The following INTU variants were observed in gnomAD, a reference collection of about 807,000 sequenced individuals.
INTU encodes the protein protein inturned.
In INTU, 68 loss-of-function variants were observed where a neutral mutation model predicts 100.5. The ratio of observed to expected loss-of-function variants is 0.68; its 90% confidence interval spans 0.56 to 0.83. The LOEUF (loss-of-function observed/expected upper bound fraction) is 0.83. INTU is among the 40% of genes least tolerant of loss of function. The pLI is 0.00. For missense variants in INTU, 1,071 were observed against 1,114.7 expected (o/e 0.96, Z 0.56); for synonymous variants, 357 against 395.7 (o/e 0.90, Z 1.16).
chr4:127,706,368 C>A, intron 11 of INTU, 119 bp from the exon 12 acceptor site: 1 of 802,596 alleles, frequency 1.2e-6, no homozygotes, highest in African/African-American at 1.7e-5. Context: ...TTTTAATAAT[C>A]ATCACATGAT....
At chr4:127,658,663 GT>G (rs573205380) in intron 3 of INTU, among the ~76,000 whole-genome samples, 1 of 152,052 alleles carries the variant, frequency 6.6e-6, no homozygotes, top group Admixed American at 6.6e-5. Context: ...AATATGAAAA[GT>G]TATGTTTACA....
rs922331858 is a variant in INTU, at chr4:127,643,795, A to G, written c.421A>G (p.Ile141Val). 6.2e-7 allele frequency: 1 copy of G among 1,614,134 alleles called. No homozygotes were observed. The highest frequency in any genetic ancestry group is 8.5e-7 in the Non-Finnish European group (1 of 1,180,034). Residue 141 changes from isoleucine to valine, a missense_variant, in exon 2 of 16, where the codon ATT (isoleucine) becomes GTT (valine). Coordinates refer to ENST00000335251, the MANE Select transcript of INTU (RefSeq NM_015693.4). Reference protein sequence around the residue: ...KNSNDNGPVSILKHQSNQKTG... With the variant: ...KNSNDNGPVSVLKHQSNQKTG... ...TAGCAATGACAATGGACCAGTATCC[A>G]TTCTAAAGCATCAGTCCAATCAGAA...
intron 4 of INTU, among the ~76,000 whole-genome samples, chr4:127,668,425 C>T (rs2126205734): frequency 6.6e-6 from 1 of 151,956 alleles, no homozygotes; most frequent in East Asian, 1.9e-4. Context: ...TTGTGGTATA[C>T]ACAGTGTTTC....
At chr4:127,635,276 T>C (rs905113430) in intron 1 of INTU, among the ~76,000 whole-genome samples, 4 of 152,146 alleles carry the variant, frequency 2.6e-5, no homozygotes, top group African/African-American at 9.7e-5. Flanking sequence ...TGCTGCAGTA[T>C]GTCTTAAGTT....
chr4:127,679,185 A>G (rs1729387853), intron 6 of INTU, among the ~76,000 whole-genome samples: 1 of 152,160 alleles, frequency 6.6e-6, no homozygotes, highest in South Asian at 2.1e-4. Context: ...TCAACATTAG[A>G]CAGATCAATG....
Position 127,706,615 on chromosome 4 carries a change from T to C in INTU, c.1917T>C (p.Asp639=), listed in dbSNP as rs1194649431. The part of the protein sequence containing the change: ...KTTLHQLDGV[D]SRIDERLASS... ...CTCTTCACCAGCTGGATGGAGTAGA[T>C]TCTCGCATAGATGAACGGCTAGCAT... The change falls in exon 12 of 16, where the codon GAT becomes GAC. Residue 639 remains aspartate, a synonymous_variant. Transcript: ENST00000335251. 1.2e-6 allele frequency: 2 copies of C among 1,614,078 alleles called. No individual in the cohort carries two copies. Among genetic ancestry groups the C allele is most frequent in the Non-Finnish European group, 1.7e-6 (2 of 1,179,990 alleles).
At position 127,643,639 on chromosome 4, in the gene INTU, A is replaced by G; in HGVS notation, c.265A>G (p.Arg89Gly). ...TGAGACACCAACTGTGAACCATGTC[A>G]GGTTCAGTGAAAATGAGATTATCAT... is the stretch of plus-strand genomic sequence containing the variant. ...LPETPTVNHV[R>G]FSENEIIIED... The change falls in exon 2 of 16, where the codon AGG (arginine) becomes GGG (glycine). Residue 89 changes from arginine to glycine, a missense_variant. By Grantham distance (125) the Arg-to-Gly change is moderately radical (BLOSUM62 -2). Transcript: ENST00000335251. 1 of 1,613,666 alleles carries G rather than the reference A, an allele frequency of 6.2e-7. No individual in the cohort carries two copies. Among genetic ancestry groups the G allele is most frequent in the Non-Finnish European group, 8.5e-7 (1 of 1,179,674 alleles).
chr4:127,637,944 A>G (rs1405350397), intron 1 of INTU, among the ~76,000 whole-genome samples: 2 of 152,190 alleles, frequency 1.3e-5, no homozygotes, highest in Non-Finnish European at 2.9e-5. Context: ...CTTCTTTGAC[A>G]TGCTTAACAG....
chr4:127,674,034 C>G (rs911863734), intron 5 of INTU, 90 bp from the exon 6 acceptor site: 1 of 752,198 alleles, frequency 1.3e-6, no homozygotes, highest in South Asian at 2.6e-5. Flanking sequence ...GTTCTTAAAT[C>G]ATACCATATG....
chr4:127,654,629 G>A (rs528709337), intron 2 of INTU, among the ~76,000 whole-genome samples: 192 of 151,486 alleles, frequency 1.3e-3, no homozygotes, highest in African/African-American at 4.4e-3. Flanking sequence ...AGGGTAACCC[G>A]ACCTTTCTCT....
intron 2 of INTU, among the ~76,000 whole-genome samples, chr4:127,645,737 AT>A: frequency 6.6e-6 from 1 of 151,392 alleles, no homozygotes; most frequent in East Asian, 2.0e-4. Flanking sequence ...ATTTTTTTGT[AT>A]TTTTTAGTAG....
At chr4:127,687,581 C>G (rs1729881005) in intron 7 of INTU, 97 bp from the exon 8 acceptor site, 3 of 842,854 alleles carry the variant, frequency 3.6e-6, no homozygotes, top group Non-Finnish European at 3.8e-6. Context: ...AGGAAGATAG[C>G]CTATGTAGTT....
intron 2 of INTU, among the ~76,000 whole-genome samples, chr4:127,647,782 C>T (rs59435820): frequency 6.6e-6 from 1 of 151,974 alleles, no homozygotes; most frequent in Non-Finnish European, 1.5e-5. Context: ...CCAAAGACAA[C>T]ATTTTGTTAT....
intron 6 of INTU, among the ~76,000 whole-genome samples, chr4:127,681,739 C>G (rs1363060794): frequency 6.6e-6 from 1 of 152,144 alleles, no homozygotes; most frequent in Non-Finnish European, 1.5e-5. Flanking sequence ...CAACAAAAGA[C>G]AAAATTGACA....
intron 2 of INTU, among the ~76,000 whole-genome samples, chr4:127,654,157 G>A (rs1377284108): frequency 6.6e-6 from 1 of 151,212 alleles, no homozygotes; most frequent in Admixed American, 6.6e-5. Flanking sequence ...GCACACTGAT[G>A]GGTCTTGACT....
chr4:127,693,629 G>A (rs780223129), intron 8 of INTU, among the ~76,000 whole-genome samples: 6 of 152,124 alleles, frequency 3.9e-5, no homozygotes, highest in Non-Finnish European at 8.8e-5. Flanking sequence ...AGTGGTGAAA[G>A]TGGGCATCCT....
At chr4:127,640,592 CATATACATAA>C (rs1235827764) in intron 1 of INTU, among the ~76,000 whole-genome samples, 2 of 71,944 alleles carry the variant, frequency 2.8e-5, no homozygotes, top group African/African-American at 7.0e-5. Flanking sequence ...TATATATATA[CATATACATAA>C]ACACACATGT....
At chr4:127,677,180 C>CG (rs1253977893) in intron 6 of INTU, among the ~76,000 whole-genome samples, 2 of 151,750 alleles carry the variant, frequency 1.3e-5, no homozygotes, top group African/African-American at 4.8e-5. Context: ...AGGGCACAGA[C>CG]GAAAAAAAAG....
intron 2 of INTU, among the ~76,000 whole-genome samples, chr4:127,655,168 A>T (rs532644010): frequency 6.6e-6 from 1 of 152,018 alleles, no homozygotes; most frequent in African/African-American, 2.4e-5. Flanking sequence ...TTTGGTTTGA[A>T]TGTCCTCTCG....
Sources: allele counts gnomAD v4.1 joint callset (sites outside exome capture counted in the v4.1 genomes callset), GRCh38; gene constraint gnomAD v4.1.1; transcripts MANE v1.5; gene names NCBI Gene and HGNC (gene_info 2026-07-23, HGNC 2026-07-21).